Variants in MMS22L observed in about 807,000 individuals in gnomAD.
The protein encoded by MMS22L is protein MMS22-like.
In MMS22L, 74 loss-of-function variants were observed where a neutral mutation model predicts 159.1. The ratio of observed to expected loss-of-function variants is 0.47; its 90% CI spans 0.39 to 0.56. The LOEUF (loss-of-function observed/expected upper bound fraction) is 0.56. MMS22L is among the 20% of genes least tolerant of loss of function. The pLI is 0.00. For synonymous variants in MMS22L, 517 were observed against 506.9 expected, an observed-to-expected ratio of 1.02 and a Z score of -0.27; for missense variants, 1,351 against 1,422.1, an observed-to-expected ratio of 0.95 and a Z score of 0.80.
At chr6:97,233,672 T>C (rs1246689017) in intron 12 of MMS22L, among the ~76,000 whole-genome samples, 189 bp downstream of exon 12, 1 of 152,186 alleles carries the variant, frequency 6.6e-6, no homozygotes. Context: ...TACCAAATGC[T>C]GTTTCCCTTA....
At chr6:97,195,253 C>A (rs901273726) in intron 14 of MMS22L, among the ~76,000 whole-genome samples, 1 of 152,116 alleles carries the variant, frequency 6.6e-6, no homozygotes, top group African/African-American at 2.4e-5. Context: ...CAAGGAACAA[C>A]AACCAGGAGT....
At chr6:97,170,215 G>A (rs981328055) in intron 19 of MMS22L, among the ~76,000 whole-genome samples, 13 of 152,078 alleles carry the variant, frequency 8.5e-5, no homozygotes, top group African/African-American at 3.1e-4. Flanking sequence ...TCATGAATAA[G>A]GGGAAACTAC....
intron 9 of MMS22L, among the ~76,000 whole-genome samples, chr6:97,255,921 ATTTG>A (rs943489520): frequency 2.0e-5 from 3 of 152,008 alleles, no homozygotes; most frequent in East Asian, 1.9e-4. Flanking sequence ...TTTTTCCAAT[ATTTG>A]TTTAATACGT....
chr6:97,163,513 C>A (rs1286172438), intron 21 of MMS22L, among the ~76,000 whole-genome samples: 1 of 151,954 alleles, frequency 6.6e-6, no homozygotes, highest in Non-Finnish European at 1.5e-5. Flanking sequence ...ATAGGAAAGT[C>A]AACTAATTCT....
rs1417953473 is a variant in MMS22L at position 97,179,474 on chromosome 6, T to C, written c.2470A>G (p.Met824Val). Residue 824 changes from methionine to valine, a missense_variant, in exon 17 of 25, where the codon ATG becomes GTG. By Grantham distance (21) the Met-to-Val change is conservative. Transcript: ENST00000683635. ...GGCCCAGAGAGGTTTTTAATATACA[T>C]TTGCAAAACACAACGAATCCATGAT... is the stretch of plus-strand genomic sequence containing the variant. ...VRSWIRCVLQ[M>V]YIKNLSGPDD... 3.1e-6 allele frequency: 5 copies of C among 1,613,636 alleles called. No individual in the cohort carries two copies. Among genetic ancestry groups the C allele is most frequent in the Admixed American group, 1.7e-5 (1 of 59,980 alleles).
rs933108159 is a variant in MMS22L, at chr6:97,231,653, C to G, written c.1303-1G>C. ...GCCAAGAAATACTGAAGGAACTATT[C>G]TAAAAGGGGGGAAAAAAAAGATAGA... On this transcript the variant is annotated splice_acceptor_variant, in intron 12 of 24. Transcript: ENST00000683635. LOFTEE classifies it high-confidence loss of function. 2 of 1,531,420 alleles carry G rather than the reference C, an allele frequency of 1.3e-6. No individual in the cohort carries two copies. Among genetic ancestry groups the G allele is most frequent in the South Asian group, 2.3e-5 (2 of 87,562 alleles). The allele number at this position is 1,531,420 out of a possible 1,614,324, so 94.9% of individuals were successfully genotyped here. A position where few individuals can be genotyped will look rare whatever the true frequency, so the allele number is the denominator to read the frequency against.
intron 11 of MMS22L, among the ~76,000 whole-genome samples, chr6:97,237,482 C>T (rs1811542411): frequency 1.3e-5 from 2 of 152,118 alleles, no homozygotes; most frequent in South Asian, 2.1e-4. Flanking sequence ...TTTCTTTACG[C>T]TTTTATGGCA....
chr6:97,181,875 A>C (rs1422000844), intron 16 of MMS22L, 29 bp downstream of exon 16: 2 of 1,599,488 alleles, frequency 1.3e-6, no homozygotes, highest in African/African-American at 2.7e-5. Context: ...GTTTGCATTA[A>C]TGTGTATGCC....
intron 14 of MMS22L, among the ~76,000 whole-genome samples, chr6:97,222,514 C>A (rs924988420): frequency 6.6e-6 from 1 of 151,980 alleles, no homozygotes; most frequent in Non-Finnish European, 1.5e-5. Flanking sequence ...TTGTTTAATA[C>A]AAAATAGGAT....
intron 10 of MMS22L, among the ~76,000 whole-genome samples, chr6:97,253,056 A>G (rs1225757322): frequency 6.6e-6 from 1 of 152,202 alleles, no homozygotes; most frequent in Non-Finnish European, 1.5e-5. Flanking sequence ...TTTCTGTGAG[A>G]AGTTCATTGA....
intron 14 of MMS22L, among the ~76,000 whole-genome samples, chr6:97,187,597 G>A (rs1178843025): frequency 6.6e-6 from 1 of 151,474 alleles, no homozygotes; most frequent in Non-Finnish European, 1.5e-5. Context: ...CAATTATACA[G>A]AAAGCAGCAA....
intron 11 of MMS22L, among the ~76,000 whole-genome samples, chr6:97,236,900 G>A (rs373439627): frequency 1.3e-5 from 2 of 150,520 alleles, no homozygotes; most frequent in South Asian, 2.1e-4. Context: ...GCAGTGAGCC[G>A]AAATAGCGCT....
At chr6:97,193,721 G>A (rs1397285708) in intron 14 of MMS22L, among the ~76,000 whole-genome samples, 2 of 152,018 alleles carry the variant, frequency 1.3e-5, no homozygotes, top group Non-Finnish European at 2.9e-5. Context: ...AATTCCTGAC[G>A]CAGTTGGTCT....
At chr6:97,219,355 G>T (rs1351134628) in intron 14 of MMS22L, among the ~76,000 whole-genome samples, 4 of 152,192 alleles carry the variant, frequency 2.6e-5, no homozygotes, top group Non-Finnish European at 5.9e-5. Flanking sequence ...TATGATTCAT[G>T]TTCTGGACAG....
At chr6:97,205,404 A>G (rs766424353) in intron 14 of MMS22L, among the ~76,000 whole-genome samples, 1 of 152,192 alleles carries the variant, frequency 6.6e-6, no homozygotes, top group Non-Finnish European at 1.5e-5. Flanking sequence ...CTATGGCTAC[A>G]CAATAATGGG....
intron 4 of MMS22L, among the ~76,000 whole-genome samples, chr6:97,273,334 G>A (rs1297877863): frequency 6.6e-6 from 1 of 152,148 alleles, no homozygotes; most frequent in Non-Finnish European, 1.5e-5. Flanking sequence ...CATGGTGCCA[G>A]ATAATGAGTC....
At chr6:97,280,106 C>T (rs1431100115) in intron 3 of MMS22L, among the ~76,000 whole-genome samples, 2 of 152,122 alleles carry the variant, frequency 1.3e-5, no homozygotes, top group African/African-American at 4.8e-5. Context: ...ATCAATAAAA[C>T]GTATGACATG....
intron 10 of MMS22L, among the ~76,000 whole-genome samples, chr6:97,247,193 A>G (rs542665048): frequency 1.3e-5 from 2 of 152,322 alleles, no homozygotes; most frequent in South Asian, 4.1e-4. Context: ...ATCTAGAATG[A>G]TTTCCATAAG....
chr6:97,174,039 G>A (rs1293306132), intron 18 of MMS22L, among the ~76,000 whole-genome samples: 1 of 151,938 alleles, frequency 6.6e-6, no homozygotes, highest in African/African-American at 2.4e-5. Flanking sequence ...CAGATCATGA[G>A]GTCAAGAGAT....
Sources: allele counts gnomAD v4.1 joint callset (sites outside exome capture counted in the v4.1 genomes callset), GRCh38; gene constraint gnomAD v4.1.1; transcripts MANE v1.5; gene names NCBI Gene and HGNC (gene_info 2026-07-23, HGNC 2026-07-21).